The following MECR variants were observed in gnomAD, a reference collection of about 807,000 sequenced individuals.
MECR encodes the protein enoyl-[acyl-carrier-protein] reductase, mitochondrial.
Under a neutral mutation model 49.1 loss-of-function variants are expected in MECR, and 37 were observed. That is an observed-to-expected ratio of 0.75 (90% CI 0.58 to 0.99). The LOEUF (loss-of-function observed/expected upper bound fraction) is 0.99, where lower values mean the gene tolerates loss of function less well. MECR is among the 50% of genes least tolerant of loss of function. The pLI is 0.00. For synonymous variants in MECR, 198 were observed against 191.1 expected, an observed-to-expected ratio of 1.04 and a Z score of -0.30; for missense variants, 470 against 479.6, an observed-to-expected ratio of 0.98 and a Z score of 0.19.
At position 29,216,568 on chromosome 1, in the gene MECR, G is replaced by A. The variant is rs747633689; in HGVS notation, c.274+20C>T. ...TGAACAAAAAAGCCAATTAACATAA[G>A]CCACAGAAACCAAGGTTACCTTGGA... On this transcript the variant is annotated intron_variant, in intron 2 of 9. Transcript: ENST00000263702. 5 of 1,610,844 alleles carry A rather than the reference G, an allele frequency of 3.1e-6. No homozygotes were observed. The East Asian group carries it at 1.1e-4, about 36-fold the overall frequency.
At position 29,193,961 on chromosome 1, in the gene MECR, C is replaced by T. The variant is rs1673344189; in HGVS notation, c.*61G>A. On this transcript the variant is annotated 3_prime_UTR_variant, in exon 10 of 10. Coordinates refer to ENST00000263702, the MANE Select transcript of MECR (RefSeq NM_016011.5). ...GAAGGTGGGAGCCCCAACTGAGGGG[C>T]CTGCACCCAGCCCCTCAGATCCGCC... The T allele has an allele frequency of 3.1e-6, 5 of 1,594,574 alleles. No individual in the cohort carries two copies. The highest frequency in any genetic ancestry group is 2.2e-5 in the East Asian group (1 of 44,770).
rs1675431981 is a variant in MECR, at chr1:29,201,985, T to C, written c.714A>G (p.Thr238=). The part of the protein sequence containing the change: ...LKSLGAEHVI[T]EEELRRPEMK... The stretch of plus-strand genomic sequence containing the variant: ...TTTCGGGCCTTCTTAGCTCCTCTTC[T>C]GTGATGACATGCTCAGCCCCCAGAC... The change falls in exon 6 of 10, where the codon ACA becomes ACG. Residue 238 remains threonine (T), a synonymous_variant. Transcript: ENST00000263702. This position sits in a 1 kb window ranked among gnomAD's most constrained non-coding sequence, Gnocchi z 4.3. 6.2e-7 allele frequency: 1 copy of C among 1,614,216 alleles called. No homozygotes were observed. Among genetic ancestry groups the C allele is most frequent in the Non-Finnish European group, 8.5e-7 (1 of 1,180,040 alleles).
intron 8 of MECR, 46 bp from the exon 9 acceptor site, chr1:29,196,059 C>T: frequency 6.2e-7 from 1 of 1,607,306 alleles, no homozygotes; most frequent in South Asian, 1.1e-5. Context: ...GCAAGAACTT[C>T]AGGTACCGCT....
At chr1:29,189,450 T>C (rs1673081191), downstream of MECR, among the ~76,000 whole-genome samples, 1 of 151,866 alleles carries the variant, frequency 6.6e-6, no homozygotes, top group Admixed American at 6.6e-5. Context: ...TGGGCTCAAG[T>C]GATCTGCCCG....
the MECR span, among the ~76,000 whole-genome samples, chr1:29,180,882 C>A: frequency 6.6e-6 from 1 of 152,198 alleles, no homozygotes; most frequent in Admixed American, 6.5e-5. Context: ...TCTCCGTCTG[C>A]GTTAACCAGA....
chr1:29,177,376 G>T, the MECR span, among the ~76,000 whole-genome samples: 1 of 151,590 alleles, frequency 6.6e-6, no homozygotes, highest in African/African-American at 2.4e-5. Context: ...ATGCCTCTGA[G>T]GTTCAAGTGA....
At chr1:29,222,657 GCCC>G (rs1681055417) in intron 1 of MECR, among the ~76,000 whole-genome samples, 2 of 152,220 alleles carry the variant, frequency 1.3e-5, no homozygotes, top group Non-Finnish European at 2.9e-5. Context: ...CTTCTGGGAA[GCCC>G]AGCAGCTCTG....
At chr1:29,187,104 C>T in the MECR span, among the ~76,000 whole-genome samples, 1 of 152,188 alleles carries the variant, frequency 6.6e-6, no homozygotes, top group Non-Finnish European at 1.5e-5. Flanking sequence ...GTGGCTTGGC[C>T]TAGTGCTTTA....
chr1:29,221,544 T>C (rs1003367446), intron 1 of MECR, among the ~76,000 whole-genome samples: 4 of 152,202 alleles, frequency 2.6e-5, no homozygotes, highest in African/African-American at 9.6e-5. Flanking sequence ...GATTCAATAA[T>C]GTAAAATCTC....
At chr1:29,185,344 G>C in the MECR span, among the ~76,000 whole-genome samples, 3 of 151,912 alleles carry the variant, frequency 2.0e-5, no homozygotes, top group Admixed American at 6.6e-5. Context: ...TGCCTCCTGG[G>C]TTCACACGGT....
chr1:29,183,880 C>CT, the MECR span, among the ~76,000 whole-genome samples: 12,837 of 125,646 alleles, frequency 0.1, 768 homozygotes, highest in East Asian at 0.28. Flanking sequence ...ATTTATTCTA[C>CT]TTTTTTTTTT....
At chr1:29,169,064 A>G in the MECR span, 1 of 152,218 alleles carries the variant, frequency 6.6e-6, no homozygotes, top group Non-Finnish European at 1.5e-5. Flanking sequence ...TCTTCTTCAC[A>G]TTTCTTTGTA....
intron 7 of MECR, among the ~76,000 whole-genome samples, chr1:29,197,752 T>C (rs111466662): frequency 4.0e-4 from 61 of 152,344 alleles, no homozygotes; most frequent in African/African-American, 1.4e-3. Context: ...CTCTCTCTTC[T>C]GTATCCCTGC....
chr1:29,181,001 G>A, the MECR span, among the ~76,000 whole-genome samples: 1 of 152,236 alleles, frequency 6.6e-6, no homozygotes, highest in Non-Finnish European at 1.5e-5. Flanking sequence ...ACTCTGCACG[G>A]AGTCTTAAAG....
chr1:29,175,930 C>T, the MECR span, among the ~76,000 whole-genome samples: 1 of 151,932 alleles, frequency 6.6e-6, no homozygotes, highest in Non-Finnish European at 1.5e-5. Context: ...AAATGGGATG[C>T]TATTTCTGAG....
rs1683216144 is a variant in MECR at position 29,230,750 on chromosome 1, C to T, written c.157G>A (p.Asp53Asn). The change falls in exon 1 of 10, where the codon GAT (aspartate) becomes AAT (asparagine). Residue 53 changes from aspartate (D) to asparagine (N), a missense_variant. Coordinates refer to ENST00000263702, the MANE Select transcript of MECR (RefSeq NM_016011.5). ...VRALVYGHHG[D>N]PAKVVELKNL... ...TCTTACTCGACGACCTTGGCTGGAT[C>T]CCCGTGGTGCCCATAGACAAGCGCC... The T allele has an allele frequency of 1.3e-6, 2 of 1,587,458 alleles. No individual in the cohort carries two copies. Among genetic ancestry groups the T allele is most frequent in the African/African-American group, 2.7e-5 (2 of 74,636 alleles).
At chr1:29,175,694 CAA>C in the MECR span, among the ~76,000 whole-genome samples, 3 of 38,586 alleles carry the variant, frequency 7.8e-5, no homozygotes, top group African/African-American at 1.3e-4. Context: ...GACGCTGTCT[CAA>C]AAAAAAAAAA....
chr1:29,184,201 A>C, the MECR span, among the ~76,000 whole-genome samples: 2 of 117,628 alleles, frequency 1.7e-5, no homozygotes, highest in African/African-American at 6.6e-5. Flanking sequence ...TTTGAGATGG[A>C]GTCTTGGTCT....
intron 3 of MECR, among the ~76,000 whole-genome samples, chr1:29,214,657 G>A (rs191475749): frequency 1.8e-4 from 28 of 152,148 alleles, no homozygotes; most frequent in African/African-American, 6.7e-4. Context: ...CACCACGCCT[G>A]GCCCCAACTT....
Sources: allele counts gnomAD v4.1 joint callset (sites outside exome capture counted in the v4.1 genomes callset), GRCh38; gene constraint gnomAD v4.1.1; non-coding constraint Gnocchi (gnomAD v3.1); transcripts MANE v1.5; gene names NCBI Gene and HGNC (gene_info 2026-07-23, HGNC 2026-07-21).